KIRREL3: variants seen among roughly 807,000 people sequenced by gnomAD.
KIRREL3 encodes the protein kin of IRRE-like protein 3.
KIRREL3 carries 36 observed loss-of-function variants against 89.7 expected under a neutral mutation model. The observed-to-expected ratio is 0.40, with a 90% confidence interval of 0.31 to 0.53. KIRREL3 has a LOEUF of 0.53. Ranked by LOEUF, KIRREL3 falls within the 20% of genes least tolerant of loss-of-function variation. The probability of loss-of-function intolerance (pLI) is 0.49; values close to 1 mark genes in which losing one functional copy is unlikely to be tolerated. For synonymous variants in KIRREL3, 445 were observed against 441.4 expected (o/e 1.01, Z -0.10); for missense variants, 864 against 1,056.6 (o/e 0.82, Z 2.53).
chr11:126,461,385 C>G (rs1449097252), intron 6 of KIRREL3, among the ~76,000 whole-genome samples: 2 of 152,314 alleles, frequency 1.3e-5, no homozygotes, highest in South Asian at 2.1e-4. Context: ...CAGGGCCAGC[C>G]CTGCTTGCAC....
chr11:126,476,632 C>T lies in KIRREL3; in HGVS notation c.434-3166G>A, dbSNP rs531618697. ...TAGCCAGGCATTATTGATTGGTCTT[C>T]GCTTCACTGCACACCAGATGGGGGT... is the stretch of plus-strand genomic sequence containing the variant. On this transcript the variant is annotated intron_variant, in intron 4 of 16. Transcript: ENST00000525144. The surrounding 1 kb of genome is among the most constrained non-coding windows in gnomAD (Gnocchi z 6.4). Among the ~76,000 whole-genome samples the T allele has an allele frequency of 7.5e-4, 102 of 135,672 alleles. No homozygotes were observed. The highest frequency in any genetic ancestry group is 2.4e-3 in the African/African-American group (87 of 35,990). 89.0% of individuals were successfully genotyped at this position (135,672 alleles called of 152,430 possible).
Position 126,768,254 on chromosome 11 carries a change from GCATCCACCCATCCATCCATC to G in KIRREL3, c.56-205362_56-205343del, listed in dbSNP as rs554807487. ...TCTGTCCATCTGTCCATCCATACATGCATCCACCCATCCATCCATCCATTCATCCATCCATCCATCCATCC... is the reference window on the plus strand; with the variant it reads ...TCTGTCCATCTGTCCATCCATACATGCATTCATCCATCCATCCATCCATCC... On this transcript the variant is annotated intron_variant, in intron 1 of 16. Transcript: ENST00000525144. The surrounding 1 kb of genome is among the most constrained non-coding windows in gnomAD (Gnocchi z 4.5). Among the ~76,000 whole-genome samples, 807 of 105,150 alleles carry G rather than the reference GCATCCACCCATCCATCCATC, an allele frequency of 7.7e-3. 8 individuals carry two copies. Among genetic ancestry groups the G allele is most frequent in the African/African-American group, 0.028 (752 of 26,538 alleles). The allele number at this position is 105,150 out of a possible 152,430, so 69.0% of individuals were successfully genotyped here.
chr11:126,596,655 G>A (rs1363009431), intron 1 of KIRREL3, among the ~76,000 whole-genome samples: 1 of 152,242 alleles, frequency 6.6e-6, no homozygotes, highest in African/African-American at 2.4e-5. Context: ...GCAGGCATGC[G>A]GGAGTGGGGA....
At chr11:126,907,204 G>A (rs1223708667) in intron 1 of KIRREL3, among the ~76,000 whole-genome samples, 1 of 152,180 alleles carries the variant, frequency 6.6e-6, no homozygotes, top group Non-Finnish European at 1.5e-5. Flanking sequence ...GACCCCCACT[G>A]ATTGGATAAG....
rs1178250413 is a variant in KIRREL3 at position 126,550,906 on chromosome 11, C to T, written c.133+11929G>A. ...TGGAGATAGTGTCAGATCCCACAGG[C>T]TGGGGGCTCAGTCCCCAAGACTTCC... On this transcript the variant is annotated intron_variant, in intron 2 of 16. Coordinates refer to ENST00000525144, the MANE Select transcript of KIRREL3 (RefSeq NM_032531.4). The surrounding 1 kb of genome is among the most constrained non-coding windows in gnomAD (Gnocchi z 4.9). Among the ~76,000 whole-genome samples the T allele has an allele frequency of 6.6e-6, 1 of 152,156 alleles. No individual in the cohort carries two copies. Among genetic ancestry groups the T allele is most frequent in the Admixed American group, 6.5e-5 (1 of 15,280 alleles).
chr11:126,647,489 G>A lies in KIRREL3; in HGVS notation c.56-84577C>T, dbSNP rs573683731. On this transcript the variant is annotated intron_variant, in intron 1 of 16. Transcript: ENST00000525144. This position sits in a 1 kb window ranked among gnomAD's most constrained non-coding sequence, Gnocchi z 4.9. ...ATTTGAATACTTCATTTATGCATAC[G>A]TTTACTCCTTTCATTCAGCAAACGT... Among the ~76,000 whole-genome samples, 35 of 152,206 alleles carry A rather than the reference G, an allele frequency of 2.3e-4. No homozygotes were observed. Among genetic ancestry groups the A allele is most frequent in the Middle Eastern group, 3.4e-3 (1 of 294 alleles).
chr11:126,593,177 T>C (rs1942232152), intron 1 of KIRREL3, among the ~76,000 whole-genome samples: 1 of 152,190 alleles, frequency 6.6e-6, no homozygotes, highest in South Asian at 2.1e-4. Flanking sequence ...CCTGTGTGGA[T>C]ACAGACCGTG....
intron 1 of KIRREL3, among the ~76,000 whole-genome samples, chr11:126,945,450 C>T (rs191463871): frequency 2.3e-4 from 35 of 152,258 alleles, no homozygotes; most frequent in Non-Finnish European, 2.8e-4. Flanking sequence ...CCCGTGTCTC[C>T]GCAGGTCACT....
At chr11:126,823,038 C>T (rs1360058620) in intron 1 of KIRREL3, among the ~76,000 whole-genome samples, 3 of 152,084 alleles carry the variant, frequency 2.0e-5, no homozygotes, top group African/African-American at 7.2e-5. Context: ...CTTTAATACT[C>T]GCTGGAGTAT....
intron 1 of KIRREL3, among the ~76,000 whole-genome samples, chr11:126,942,288 C>T (rs1948476414): frequency 6.6e-6 from 1 of 152,186 alleles, no homozygotes; most frequent in South Asian, 2.1e-4. Flanking sequence ...AAACCCCTAG[C>T]ATCACGCCTG....
rs77423746 is a variant in KIRREL3 at position 126,976,405 on chromosome 11, C to T, written c.55+24050G>A. ...AGTGTTTATGAACCGTTACATTAAT[C>T]TCCTGCAGATTTTTTTCTGGAGATT... On this transcript the variant is annotated intron_variant, in intron 1 of 16. Transcript: ENST00000525144. This position sits in a 1 kb window ranked among gnomAD's most constrained non-coding sequence, Gnocchi z 4.2. Among the ~76,000 whole-genome samples, 992 of 152,286 alleles carry T rather than the reference C, an allele frequency of 6.5e-3. 7 individuals carry two copies. The highest frequency in any genetic ancestry group is 0.022 in the African/African-American group (927 of 41,562).
At chr11:126,980,805 GT>G (rs1949701007) in intron 1 of KIRREL3, among the ~76,000 whole-genome samples, 1 of 152,084 alleles carries the variant, frequency 6.6e-6, no homozygotes, top group Non-Finnish European at 1.5e-5. Context: ...TTAGAATGTT[GT>G]TTTAAAAGTG....
chr11:126,618,207 TCAG>T (rs751925975), intron 1 of KIRREL3, among the ~76,000 whole-genome samples: 3 of 152,190 alleles, frequency 2.0e-5, no homozygotes, highest in Non-Finnish European at 2.9e-5. Flanking sequence ...TCCTGAGGCC[TCAG>T]CTAGGCTGAG....
At position 126,643,714 on chromosome 11, in the gene KIRREL3, G is replaced by A. The variant is rs1405070976; in HGVS notation, c.56-80802C>T. Among the ~76,000 whole-genome samples, 1 of 152,186 alleles carries A rather than the reference G, an allele frequency of 6.6e-6. No homozygotes were observed. Among genetic ancestry groups the A allele is most frequent in the Non-Finnish European group, 1.5e-5 (1 of 68,034 alleles). Reference sequence around the variant, plus strand: ...AGATGAATTGGAGATAGGGAGAGGAGTTTGGAGGCAGCAGTAATCTCAGTG... The same window carrying A: ...AGATGAATTGGAGATAGGGAGAGGAATTTGGAGGCAGCAGTAATCTCAGTG... On this transcript the variant is annotated intron_variant, in intron 1 of 16. Coordinates refer to ENST00000525144, the MANE Select transcript of KIRREL3 (RefSeq NM_032531.4). This position sits in a 1 kb window ranked among gnomAD's most constrained non-coding sequence, Gnocchi z 4.5.
At chr11:126,701,198 G>A (rs140040051) in intron 1 of KIRREL3, among the ~76,000 whole-genome samples, 7 of 152,296 alleles carry the variant, frequency 4.6e-5, no homozygotes, top group African/African-American at 1.2e-4. Context: ...AATGAATTGC[G>A]TGATTGGTGT....
Position 126,978,019 on chromosome 11 carries a change from T to C in KIRREL3, c.55+22436A>G, listed in dbSNP as rs548120621. ...TGAGTGGATTTCTGTAGTACGACTC[T>C]GCTGCCAGTCTACTGACAGCCTCCT... is the stretch of plus-strand genomic sequence containing the variant. On this transcript the variant is annotated intron_variant, in intron 1 of 16. Coordinates refer to ENST00000525144, the MANE Select transcript of KIRREL3 (RefSeq NM_032531.4). This position sits in a 1 kb window ranked among gnomAD's most constrained non-coding sequence, Gnocchi z 4.2. Among the ~76,000 whole-genome samples the C allele has an allele frequency of 6.6e-6, 1 of 152,314 alleles. No individual in the cohort carries two copies. The highest frequency in any genetic ancestry group is 2.4e-5 in the African/African-American group (1 of 41,584).
chr11:126,429,360 T>TCCCCTG lies in KIRREL3; in HGVS notation c.1697-78_1697-73dup. On this transcript the variant is annotated intron_variant, in intron 14 of 16. Coordinates refer to ENST00000525144, the MANE Select transcript of KIRREL3 (RefSeq NM_032531.4). This position sits in a 1 kb window ranked among gnomAD's most constrained non-coding sequence, Gnocchi z 5.2. ...TTTGAGATGTCAAGCTCCCTTGCAG[T>TCCCCTG]CCCCTGCCCCTGCCCTGCCACCCTC... The TCCCCTG allele has an allele frequency of 9.2e-7, 1 of 1,087,766 alleles. No homozygotes were observed. The highest frequency in any genetic ancestry group is 1.3e-5 in the South Asian group (1 of 77,522). The allele number at this position is 1,087,766 out of a possible 1,614,324, so 67.4% of individuals were successfully genotyped here. A position where few individuals can be genotyped will look rare whatever the true frequency, so the allele number is the denominator to read the frequency against.
intron 4 of KIRREL3, among the ~76,000 whole-genome samples, chr11:126,505,146 G>A (rs1162273811): frequency 6.6e-6 from 1 of 152,236 alleles, no homozygotes; most frequent in African/African-American, 2.4e-5. Flanking sequence ...TGTACTGTAA[G>A]TTCTAGCCAG....
chr11:126,629,208 G>T (rs753116979), intron 1 of KIRREL3, among the ~76,000 whole-genome samples: 4 of 152,150 alleles, frequency 2.6e-5, no homozygotes, highest in Non-Finnish European at 4.4e-5. Flanking sequence ...TTCTTCAGCT[G>T]GGCGCGCTGT....
Sources: allele counts gnomAD v4.1 joint callset (sites outside exome capture counted in the v4.1 genomes callset), GRCh38; gene constraint gnomAD v4.1.1; non-coding constraint Gnocchi (gnomAD v3.1); transcripts MANE v1.5; gene names NCBI Gene and HGNC (gene_info 2026-07-23, HGNC 2026-07-21).